Variants in MYH7B observed in about 807,000 individuals in gnomAD.
MYH7B encodes myosin heavy chain 7B.
Under a neutral mutation model 234.5 loss-of-function variants are expected in MYH7B, and 205 were observed. That is an observed-to-expected ratio of 0.87 (90% CI 0.78 to 0.98). MYH7B has a LOEUF of 0.98. Among genes scored for constraint, MYH7B ranks in the 50% least tolerant of loss-of-function variants. The pLI is 0.00. For missense variants in MYH7B, 2,652 were observed against 2,633.4 expected (o/e 1.01, Z -0.15); for synonymous variants, 1,193 against 1,105.0 (o/e 1.08, Z -1.58).
At chr20:34,985,429 C>G (rs2082003035) in intron 13 of MYH7B, among the ~76,000 whole-genome samples, 1 of 152,110 alleles carries the variant, frequency 6.6e-6, no homozygotes. Context: ...CTCATTTGGC[C>G]AGTCAGGCTC....
At chr20:34,977,061 C>CT (rs111959760) in intron 3 of MYH7B, among the ~76,000 whole-genome samples, 77,653 of 134,396 alleles carry the variant, frequency 0.58, 23,783 homozygotes, top group African/African-American at 0.72. Flanking sequence ...ACCCCTCCCC[C>CT]CTCTCTCTCT....
chr20:34,998,421 G>C (rs372128121), exon 33 of MYH7B: 4 of 1,613,004 alleles, frequency 2.5e-6, no homozygotes, highest in Non-Finnish European at 2.5e-6. Flanking sequence ...GACGGAAAGC[G>C]GTGAGGCTGG....
rs3746438 is a variant in MYH7B at position 34,996,486 on chromosome 20, C to T, written c.3084C>T (p.Thr1028=). The T allele has an allele frequency of 0.44, 716,901 of 1,611,788 alleles. 163,810 individuals carry two copies. Among genetic ancestry groups the T allele is most frequent in the Admixed American group, 0.68 (40,734 of 59,612 alleles). ...AGGAGGACCGTGTGAGCGCGCTGAC[C>T]AAGGCCAAGCTCCGGCTGGAGCAAC... Residue 1028 remains threonine (T), a synonymous_variant, in exon 29 of 45, where the codon ACC becomes ACT. Coordinates refer to ENST00000262873, the Ensembl canonical transcript of MYH7B.
rs147239130 is a variant in MYH7B at position 35,000,989 on chromosome 20, C to A, written c.5306C>A (p.Ala1769Glu). 5.0e-6 allele frequency: 8 copies of A among 1,613,658 alleles called. No individual in the cohort carries two copies. Among genetic ancestry groups the A allele is most frequent in the East Asian group, 2.2e-5 (1 of 44,876 alleles). ...TGACCAGCTCCTCCTCCCCAACAGGCGGCCATGATGGCCGAGGAGCTGAAG... is the reference window on the plus strand; with the variant it reads ...TGACCAGCTCCTCCTCCCCAACAGGAGGCCATGATGGCCGAGGAGCTGAAG... Residue 1769 changes from alanine to glutamate, a missense_variant and splice_region_variant, in exon 41 of 45, where the codon GCG becomes GAG. This residue lies in a region of MYH7B where 2,279 missense variants were observed against 2,211.4 expected (regional missense o/e 1.03). Coordinates refer to ENST00000262873, the Ensembl canonical transcript of MYH7B.
At chr20:34,992,991 A>G (rs1424680938) in intron 24 of MYH7B, 111 bp from the exon 25 acceptor site, 1 of 1,366,656 alleles carries the variant, frequency 7.3e-7, no homozygotes, top group East Asian at 2.3e-5. Context: ...AGGCCCAGGA[A>G]CGAGTCCCCT....
chr20:34,966,970 C>T (rs561560752), intron 2 of MYH7B, among the ~76,000 whole-genome samples: 10 of 152,008 alleles, frequency 6.6e-5, no homozygotes, highest in Non-Finnish European at 1.3e-4. Context: ...GTGGCTCACA[C>T]CTGTAATCCC....
At chr20:34,964,375 A>T (rs2081724426) in intron 2 of MYH7B, among the ~76,000 whole-genome samples, 1 of 152,086 alleles carries the variant, frequency 6.6e-6, no homozygotes, top group Non-Finnish European at 1.5e-5. Context: ...GCCCAGAATA[A>T]CCCTTTACTC....
chr20:35,000,942 G>A (rs1460181631), intron 40 of MYH7B, 46 bp from the exon 41 acceptor site: 35 of 1,611,712 alleles, frequency 2.2e-5, no homozygotes, highest in Non-Finnish European at 2.8e-5. Context: ...ATTGCAGAGG[G>A]ACTTCCCTGA....
chr20:35,000,337 A>C, exon 39 of MYH7B: 1 of 1,596,444 alleles, frequency 6.3e-7, no homozygotes, highest in Non-Finnish European at 8.5e-7. Context: ...GCCTCCCTGG[A>C]TGCAGAGACA....
At position 34,963,052 on chromosome 20, in the gene MYH7B, C is replaced by T. The variant is rs1217631845; in HGVS notation, c.-222+4840C>T. ...GGCAGAGGTTACAGTGAGCTGAGATCGCGACACTGCACTCCAGCCTGGGTG... is the reference window on the plus strand; with the variant it reads ...GGCAGAGGTTACAGTGAGCTGAGATTGCGACACTGCACTCCAGCCTGGGTG... On this transcript the variant is annotated intron_variant, in intron 2 of 44. Transcript: ENST00000262873. Among the ~76,000 whole-genome samples, 9 of 152,306 alleles carry T rather than the reference C, an allele frequency of 5.9e-5. No homozygotes were observed. The South Asian group carries it at 6.2e-4, about 11-fold the overall frequency.
At chr20:34,986,298 C>G (rs1490736025) in intron 14 of MYH7B, 100 bp downstream of exon 14, 1 of 919,558 alleles carries the variant, frequency 1.1e-6, no homozygotes, top group Non-Finnish European at 1.7e-6. Context: ...GTCTTTCCCT[C>G]CCTGTCCTGG....
chr20:34,995,220 A>G, intron 27 of MYH7B, 116 bp from the exon 28 acceptor site: 1 of 959,294 alleles, frequency 1.0e-6, no homozygotes, highest in Non-Finnish European at 1.5e-6. Context: ...CTGAGTTCTC[A>G]GAGCACAGCC....
intron 1 of MYH7B, among the ~76,000 whole-genome samples, chr20:34,956,960 C>T (rs562190164): frequency 6.6e-6 from 1 of 152,304 alleles, no homozygotes; most frequent in South Asian, 2.1e-4. Flanking sequence ...GAGGCTGCGG[C>T]GTGAGAATTC....
chr20:34,987,270 AG>A lies in MYH7B; in HGVS notation c.1132del (p.Ala378ProfsTer13). The A allele has an allele frequency of 6.2e-7, 1 of 1,611,158 alleles. No homozygotes were observed. The highest frequency in any genetic ancestry group is 1.1e-5 in the South Asian group (1 of 90,994). On this transcript the variant is annotated frameshift_variant, in exon 16 of 45. Coordinates refer to ENST00000262873, the Ensembl canonical transcript of MYH7B. LOFTEE classifies it high-confidence loss of function. ...CAGAAGCAGCGGGAGGAGCAGGCGG[AG>A]GCCGATGGCACTGAGAGTGAGGGGC...
At chr20:35,001,307 C>A (rs745665276) in exon 42 of MYH7B, 1 of 1,612,394 alleles carries the variant, frequency 6.2e-7, no homozygotes, top group Non-Finnish European at 8.5e-7. Context: ...CCCTTAAGGG[C>A]GTGCGCAAGC....
rs910322086 is a variant in MYH7B, at chr20:34,998,506, T to A, written c.3875-5T>A. The A allele has an allele frequency of 1.9e-6, 3 of 1,613,110 alleles. No individual in the cohort carries two copies. Among genetic ancestry groups the A allele is most frequent in the Non-Finnish European group, 2.5e-6 (3 of 1,179,772 alleles). On this transcript the variant is annotated splice_polypyrimidine_tract_variant and splice_region_variant and intron_variant, in intron 33 of 44. Coordinates refer to ENST00000262873, the Ensembl canonical transcript of MYH7B. The stretch of plus-strand genomic sequence containing the variant: ...TGACCTGTCCGCTCGCCTCTTTGCC[T>A]GCAGGGGAGCTGAGTCGCCTGCTAG...
At chr20:34,970,041 G>A (rs1262094607) in intron 2 of MYH7B, among the ~76,000 whole-genome samples, 4 of 152,110 alleles carry the variant, frequency 2.6e-5, no homozygotes, top group Non-Finnish European at 5.9e-5. Flanking sequence ...CCAAGACTTC[G>A]TGCCTGGTAA....
At chr20:34,957,390 G>C (rs556870726) in intron 1 of MYH7B, among the ~76,000 whole-genome samples, 1 of 152,144 alleles carries the variant, frequency 6.6e-6, no homozygotes. Flanking sequence ...CTGTGGAGAT[G>C]GAGCGAAGCG....
intron 2 of MYH7B, among the ~76,000 whole-genome samples, chr20:34,964,518 A>AC: frequency 6.6e-6 from 1 of 152,254 alleles, no homozygotes; most frequent in Admixed American, 6.5e-5. Context: ...TCACCTTGAA[A>AC]CTAGTGATGG....
Sources: allele counts gnomAD v4.1 joint callset (sites outside exome capture counted in the v4.1 genomes callset), GRCh38; gene constraint gnomAD v4.1.1; regional missense constraint gnomAD v4.1.1; transcripts MANE v1.5; gene names NCBI Gene and HGNC (gene_info 2026-07-23, HGNC 2026-07-21).